Variants in CFAP299 observed in about 807,000 individuals in gnomAD.
CFAP299 encodes the protein cilia- and flagella-associated protein 299.
A neutral mutation model predicts 27.0 loss-of-function variants in CFAP299; 21 were observed. The observed-to-expected ratio is 0.78, with a 90% CI of 0.55 to 1.12. The LOEUF is 1.12. Among genes scored for constraint, CFAP299 ranks in the 50% most tolerant of loss-of-function variants. CFAP299 has a pLI of 0.00. For synonymous variants in CFAP299, 104 were observed against 98.1 expected, an observed-to-expected ratio of 1.06 and a Z score of -0.36; for missense variants, 310 against 276.6, an observed-to-expected ratio of 1.12 and a Z score of -0.86.
chr4:80,847,202 G>T (rs1731232179), intron 3 of CFAP299, among the ~76,000 whole-genome samples: 1 of 152,100 alleles, frequency 6.6e-6, no homozygotes, highest in African/African-American at 2.4e-5. Context: ...TCTCCACCCT[G>T]CTCTACCCAG....
chr4:80,693,297 C>A (rs1046806865), intron 3 of CFAP299, among the ~76,000 whole-genome samples: 1 of 151,758 alleles, frequency 6.6e-6, no homozygotes, highest in African/African-American at 2.4e-5. Context: ...GGAACCAACC[C>A]AAATGTCCAA....
At chr4:80,904,977 G>C (rs7683665) in intron 4 of CFAP299, among the ~76,000 whole-genome samples, 6,791 of 152,196 alleles carry the variant, frequency 0.045, 544 homozygotes, top group African/African-American at 0.15. Flanking sequence ...TTATACCATG[G>C]TAAGCTTACA....
intron 2 of CFAP299, among the ~76,000 whole-genome samples, chr4:80,518,561 AT>A (rs540726773): frequency 5.1e-4 from 77 of 150,408 alleles, no homozygotes; most frequent in Non-Finnish European, 8.6e-4. Context: ...TGAAAAATGG[AT>A]TTTTTTTTTA....
At chr4:80,934,317 A>G (rs991377746) in intron 4 of CFAP299, among the ~76,000 whole-genome samples, 3 of 152,076 alleles carry the variant, frequency 2.0e-5, no homozygotes, top group Non-Finnish European at 4.4e-5. Flanking sequence ...TTAGTTTGCT[A>G]TTATTTTGTT....
At chr4:80,385,292 A>C (rs775394000) in intron 2 of CFAP299, among the ~76,000 whole-genome samples, 1 of 151,926 alleles carries the variant, frequency 6.6e-6, no homozygotes, top group Non-Finnish European at 1.5e-5. Context: ...TTCCAATTAA[A>C]TTTCTCTTCG....
At chr4:80,531,077 G>A (rs1221164453) in intron 2 of CFAP299, among the ~76,000 whole-genome samples, 1 of 152,090 alleles carries the variant, frequency 6.6e-6, no homozygotes, top group Admixed American at 6.5e-5. Flanking sequence ...TGTGTTGAGA[G>A]GCAGAGGAAG....
At chr4:80,434,859 C>T (rs571892974) in intron 2 of CFAP299, among the ~76,000 whole-genome samples, 2 of 152,110 alleles carry the variant, frequency 1.3e-5, no homozygotes, top group East Asian at 1.9e-4. Flanking sequence ...GTATAATTGT[C>T]GGTTGTTATA....
At chr4:80,593,126 A>G (rs964888043) in intron 3 of CFAP299, among the ~76,000 whole-genome samples, 1 of 152,144 alleles carries the variant, frequency 6.6e-6, no homozygotes, top group Non-Finnish European at 1.5e-5. Context: ...TTCTGTGTAT[A>G]TATTGGCAGG....
At chr4:80,931,876 A>C (rs1259488462) in intron 4 of CFAP299, among the ~76,000 whole-genome samples, 1 of 152,176 alleles carries the variant, frequency 6.6e-6, no homozygotes, top group African/African-American at 2.4e-5. Flanking sequence ...GAGAGGAAAC[A>C]ACTGTTTCTT....
At chr4:80,723,565 A>G (rs1035400805) in intron 3 of CFAP299, among the ~76,000 whole-genome samples, 7 of 152,148 alleles carry the variant, frequency 4.6e-5, no homozygotes, top group Non-Finnish European at 4.4e-5. Flanking sequence ...TTGTCTCAGG[A>G]TAAGGGGCTG....
intron 2 of CFAP299, among the ~76,000 whole-genome samples, chr4:80,465,482 T>C (rs1490961567): frequency 6.6e-6 from 1 of 152,070 alleles, no homozygotes. Flanking sequence ...GCCCCACAGA[T>C]CCCAGGAGCA....
At position 80,590,553 on chromosome 4, in the gene CFAP299, T is replaced by C. The variant is rs184216681; in HGVS notation, c.333+7370T>C. Among the ~76,000 whole-genome samples, 856 of 152,074 alleles carry C rather than the reference T, an allele frequency of 5.6e-3. 8 individuals carry two copies. Among genetic ancestry groups the C allele is most frequent in the African/African-American group, 0.018 (748 of 41,500 alleles). ...TTGGGAGGCTGAGGCAGGAGAATTG[T>C]TTGAACCCGGGAGGCGGAGGTTGCA... On this transcript the variant is annotated intron_variant, in intron 3 of 5. Transcript: ENST00000358105.
At chr4:80,390,624 TATATATGTATACAC>T (rs1725321837) in intron 2 of CFAP299, among the ~76,000 whole-genome samples, 2 of 136,102 alleles carry the variant, frequency 1.5e-5, no homozygotes, top group South Asian at 4.7e-4. Context: ...TGTATATATG[TATATATGTATACAC>T]ATATATGTAT....
intron 3 of CFAP299, among the ~76,000 whole-genome samples, chr4:80,660,375 GAAAT>G (rs1438814469): frequency 1.1e-4 from 17 of 152,024 alleles, no homozygotes; most frequent in African/African-American, 4.1e-4. Context: ...CCAACTATAA[GAAAT>G]AGACAGTCAA....
chr4:80,658,408 C>T (rs1446660591), intron 3 of CFAP299, among the ~76,000 whole-genome samples: 1 of 152,112 alleles, frequency 6.6e-6, no homozygotes, highest in African/African-American at 2.4e-5. Context: ...TACATTCCAT[C>T]AATGCCTAGT....
chr4:80,962,097 G>A lies in CFAP299; in HGVS notation c.607-1420G>A, dbSNP rs539621906. On this transcript the variant is annotated intron_variant, in intron 5 of 5. Transcript: ENST00000358105. ...GGGAGTCTGGGCTTAAGCCCCCAGG[G>A]GTACAACTTTCTCCACCATGTAGGT... 2.3e-3 allele frequency among the ~76,000 whole-genome samples: 348 copies of A among 152,030 alleles called. 1 individual carries two copies. The highest frequency in any genetic ancestry group is 5.0e-3 in the Admixed American group (76 of 15,260).
At chr4:80,436,158 A>G (rs925886383) in intron 2 of CFAP299, among the ~76,000 whole-genome samples, 4 of 152,190 alleles carry the variant, frequency 2.6e-5, no homozygotes, top group Non-Finnish European at 5.9e-5. Flanking sequence ...TTTCACAGTG[A>G]TGTAGCACCT....
intron 4 of CFAP299, among the ~76,000 whole-genome samples, chr4:80,929,322 T>C (rs914602796): frequency 2.0e-5 from 3 of 148,718 alleles, no homozygotes; most frequent in African/African-American, 7.7e-5. Flanking sequence ...ATTATCCCTC[T>C]GGTCTCTACT....
intron 1 of CFAP299, among the ~76,000 whole-genome samples, chr4:80,355,569 G>A (rs898658785): frequency 6.6e-6 from 1 of 151,950 alleles, no homozygotes; most frequent in Non-Finnish European, 1.5e-5. Context: ...ATTTGGACAG[G>A]CTGGTCTCGA....
Sources: allele counts gnomAD v4.1 joint callset (sites outside exome capture counted in the v4.1 genomes callset), GRCh38; gene constraint gnomAD v4.1.1; transcripts MANE v1.5; gene names NCBI Gene and HGNC (gene_info 2026-07-23, HGNC 2026-07-21).